The following SAMD4A variants were observed in gnomAD, a reference collection of about 807,000 sequenced individuals.
SAMD4A encodes the protein protein Smaug homolog 1.
SAMD4A carries 33 observed loss-of-function variants against 81.3 expected under a neutral mutation model. The ratio of observed to expected loss-of-function variants is 0.41; its 90% CI spans 0.31 to 0.54. The LOEUF (loss-of-function observed/expected upper bound fraction) is 0.54. SAMD4A is among the 20% of genes least tolerant of loss of function. The probability of loss-of-function intolerance (pLI) is 0.37; values close to 1 mark genes in which losing one functional copy is unlikely to be tolerated. For missense variants in SAMD4A, 854 were observed against 951.1 expected, an observed-to-expected ratio of 0.90 and a Z score of 1.34; for synonymous variants, 389 against 382.1, an observed-to-expected ratio of 1.02 and a Z score of -0.21.
At chr14:54,579,900 G>C (rs770666212) in intron 2 of SAMD4A, among the ~76,000 whole-genome samples, 1 of 152,220 alleles carries the variant, frequency 6.6e-6, no homozygotes, top group African/African-American at 2.4e-5. Flanking sequence ...TCTGCAGTTG[G>C]TCAAAGTACC....
chr14:54,648,791 C>T (rs138902069), intron 2 of SAMD4A, among the ~76,000 whole-genome samples: 136 of 152,118 alleles, frequency 8.9e-4, no homozygotes, highest in Non-Finnish European at 1.6e-3. Flanking sequence ...AGAATGAAGG[C>T]GCTTCATTGA....
chr14:54,694,714 TG>T, intron 2 of SAMD4A: 1 of 985,420 alleles, frequency 1.0e-6, no homozygotes, highest in South Asian at 4.7e-5. Context: ...ACCTCCTGAC[TG>T]GTCATGGCCA....
At chr14:54,684,619 C>CA (rs1370124883) in intron 2 of SAMD4A, among the ~76,000 whole-genome samples, 1 of 136,200 alleles carries the variant, frequency 7.3e-6, no homozygotes, top group African/African-American at 2.7e-5. Flanking sequence ...CCCGCCCCCC[C>CA]CCCCAACCAG....
intron 2 of SAMD4A, among the ~76,000 whole-genome samples, chr14:54,683,797 G>A (rs1052564139): frequency 2.0e-5 from 3 of 152,152 alleles, no homozygotes; most frequent in Non-Finnish European, 2.9e-5. Context: ...CAGGAGGCAC[G>A]TCTCCAGATA....
At chr14:54,763,984 CG>C (rs1236274397) in intron 7 of SAMD4A, among the ~76,000 whole-genome samples, 2 of 152,178 alleles carry the variant, frequency 1.3e-5, no homozygotes, top group Non-Finnish European at 2.9e-5. Context: ...CACACCTCCC[CG>C]TCTCCAGGAG....
chr14:54,667,803 T>C (rs940835499), intron 2 of SAMD4A, among the ~76,000 whole-genome samples: 3 of 152,260 alleles, frequency 2.0e-5, no homozygotes, highest in Non-Finnish European at 2.9e-5. Context: ...CCACACACCA[T>C]GCATTCATGC....
intron 2 of SAMD4A, among the ~76,000 whole-genome samples, chr14:54,677,038 G>A (rs1025682346): frequency 2.6e-5 from 4 of 152,302 alleles, no homozygotes; most frequent in Admixed American, 6.5e-5. Context: ...ATGTGTTTCC[G>A]TCGTTTAGTT....
chr14:54,615,908 T>C (rs555319005), intron 2 of SAMD4A, among the ~76,000 whole-genome samples: 1 of 150,446 alleles, frequency 6.6e-6, no homozygotes, highest in African/African-American at 2.4e-5. Context: ...AGAAGACAGA[T>C]TTAATTATAA....
chr14:54,656,467 A>C (rs1273665128), intron 2 of SAMD4A, among the ~76,000 whole-genome samples: 1 of 152,094 alleles, frequency 6.6e-6, no homozygotes, highest in Non-Finnish European at 1.5e-5. Context: ...ACTTTGACTT[A>C]TTTAGTAGTG....
chr14:54,765,648 G>T (rs758390334), intron 8 of SAMD4A, among the ~76,000 whole-genome samples: 58 of 152,104 alleles, frequency 3.8e-4, no homozygotes, highest in African/African-American at 1.4e-3. Context: ...AAATAGTAAA[G>T]GCCCCAGGCC....
rs575717578 is a variant in SAMD4A at position 54,579,530 on chromosome 14, T to G, written c.196+11418T>G. 9.2e-5 allele frequency among the ~76,000 whole-genome samples: 14 copies of G among 152,378 alleles called. No individual in the cohort carries two copies. The South Asian group carries it at 2.9e-3, about 32-fold the overall frequency. ...TATTTTTAATGGTAGTTTTAATAAT[T>G]CACAGTAACATTGTATATGTTTCAT... On this transcript the variant is annotated intron_variant, in intron 2 of 12. Transcript: ENST00000554335.
chr14:54,630,271 C>T (rs1044850315), intron 2 of SAMD4A, among the ~76,000 whole-genome samples: 1 of 152,214 alleles, frequency 6.6e-6, no homozygotes, highest in Non-Finnish European at 1.5e-5. Flanking sequence ...TCCATAGCAG[C>T]TGCATCATTT....
intron 8 of SAMD4A, among the ~76,000 whole-genome samples, chr14:54,767,221 C>T (rs1281759811): frequency 1.3e-5 from 2 of 152,184 alleles, no homozygotes; most frequent in Non-Finnish European, 2.9e-5. Flanking sequence ...TGTGAGGCCC[C>T]GTGAAGGCGC....
chr14:54,715,254 T>C (rs1397722655), intron 3 of SAMD4A, among the ~76,000 whole-genome samples: 1 of 152,090 alleles, frequency 6.6e-6, no homozygotes. Flanking sequence ...GATCTTAAAC[T>C]CACGGGGATT....
intron 2 of SAMD4A, among the ~76,000 whole-genome samples, chr14:54,585,673 T>C (rs2033595981): frequency 6.6e-6 from 1 of 152,168 alleles, no homozygotes; most frequent in Non-Finnish European, 1.5e-5. Context: ...CTCCCACATA[T>C]GAGTGAGAAC....
intron 8 of SAMD4A, among the ~76,000 whole-genome samples, chr14:54,764,776 G>A (rs1244882694): frequency 1.3e-5 from 2 of 152,182 alleles, no homozygotes; most frequent in African/African-American, 4.8e-5. Context: ...TGCAGTGAAC[G>A]CCTGCAACGA....
chr14:54,655,091 A>G (rs2035489368), intron 2 of SAMD4A, among the ~76,000 whole-genome samples: 1 of 152,200 alleles, frequency 6.6e-6, no homozygotes, highest in African/African-American at 2.4e-5. Flanking sequence ...GATTTTTATC[A>G]TGTATTTTAT....
At chr14:54,638,249 G>C (rs575589836) in intron 2 of SAMD4A, among the ~76,000 whole-genome samples, 2 of 152,308 alleles carry the variant, frequency 1.3e-5, no homozygotes, top group African/African-American at 4.8e-5. Context: ...ACTGCACGGG[G>C]GAGCCGCAGC....
chr14:54,739,049 CCTTTT>C (rs1475541817), intron 4 of SAMD4A, among the ~76,000 whole-genome samples: 1 of 77,596 alleles, frequency 1.3e-5, no homozygotes, highest in African/African-American at 7.5e-5. Flanking sequence ...TTCTTTCTTT[CCTTTT>C]CTTTTTTTTT....
Sources: gnomAD v4.1 joint callset for allele counts (sites outside exome capture counted in the v4.1 genomes callset) on GRCh38, gnomAD v4.1.1 for gene constraint, MANE v1.5 for transcripts, NCBI Gene and HGNC (gene_info 2026-07-23, HGNC 2026-07-21) for gene names.